Variants in STON2 observed in about 807,000 individuals in gnomAD.
STON2 encodes the protein stonin 2, also known as stonin-2.
Under a neutral mutation model 65.7 loss-of-function variants are expected in STON2, and 29 were observed. The ratio of observed to expected loss-of-function variants is 0.44; its 90% CI spans 0.33 to 0.60. The LOEUF is 0.60. Ranked by LOEUF, STON2 falls within the 20% of genes least tolerant of loss-of-function variation. The pLI, the probability that STON2 is intolerant of heterozygous loss-of-function variation, is 0.03. For synonymous variants in STON2, 404 were observed against 414.2 expected (o/e 0.98, Z 0.30); for missense variants, 1,054 against 1,118.1 (o/e 0.94, Z 0.82).
At chr14:81,345,479 C>A (rs993392963) in intron 4 of STON2, among the ~76,000 whole-genome samples, 29 of 152,270 alleles carry the variant, frequency 1.9e-4, no homozygotes, top group African/African-American at 6.3e-4. Flanking sequence ...CTTCCGGACA[C>A]AGAATTGTGA....
In STON2 at chr14:81,270,356, A is replaced by G. The variant is rs1894523605; in HGVS notation, c.2784+314T>C. ...CACCTCCACCTCCCAAAGTGCTGGG[A>G]TTACAGGTGTGAGCCACTGTGCCTG... On this transcript the variant is annotated intron_variant, in intron 7 of 7. Coordinates refer to ENST00000614646, the MANE Select transcript of STON2 (RefSeq NM_001394390.1). 9.2e-6 allele frequency: 12 copies of G among 1,311,378 alleles called. No homozygotes were observed. The South Asian group carries it at 2.6e-4, about 28-fold the overall frequency. 81.2% of individuals were successfully genotyped at this position (1,311,378 alleles called of 1,614,324 possible). A position where few individuals can be genotyped will look rare whatever the true frequency, so the allele number is the denominator to read the frequency against.
Position 81,261,663 on chromosome 14 carries a change from T to C in STON2, c.*6751A>G. 1.1e-6 allele frequency: 1 copy of C among 951,524 alleles called. No homozygotes were observed. 58.9% of individuals were successfully genotyped at this position (951,524 alleles called of 1,614,324 possible). On this transcript the variant is annotated 3_prime_UTR_variant, in exon 8 of 8. Coordinates refer to ENST00000614646, the MANE Select transcript of STON2 (RefSeq NM_001394390.1). Reference sequence around the variant, plus strand: ...TATTTTATACAAAATGACAAATATATATATACCTCATTGATTATCCTATCA... The same window carrying C: ...TATTTTATACAAAATGACAAATATACATATACCTCATTGATTATCCTATCA...
chr14:81,281,756 C>T (rs980839501), intron 5 of STON2, among the ~76,000 whole-genome samples: 1 of 152,152 alleles, frequency 6.6e-6, no homozygotes. Context: ...GTTTAAATCA[C>T]GCCAAGTCCT....
intron 3 of STON2, among the ~76,000 whole-genome samples, chr14:81,378,152 A>AT (rs1566934583): frequency 6.7e-6 from 1 of 149,068 alleles, no homozygotes; most frequent in Admixed American, 6.7e-5. Flanking sequence ...AGCCTAGCCC[A>AT]TTTTTTTAAT....
At chr14:81,372,684 C>CCAT (rs1899061333) in intron 3 of STON2, among the ~76,000 whole-genome samples, 1 of 151,966 alleles carries the variant, frequency 6.6e-6, no homozygotes, top group African/African-American at 2.4e-5. Flanking sequence ...TATTGAGTAC[C>CCAT]CATCAAATGT....
chr14:81,432,769 C>G (rs971672879), intron 1 of STON2, among the ~76,000 whole-genome samples: 1 of 152,224 alleles, frequency 6.6e-6, no homozygotes, highest in African/African-American at 2.4e-5. Flanking sequence ...ATTTAATATA[C>G]ACCTAGAGAC....
At chr14:81,284,363 T>A (rs1242798442) in intron 5 of STON2, among the ~76,000 whole-genome samples, 1 of 152,094 alleles carries the variant, frequency 6.6e-6, no homozygotes, top group Non-Finnish European at 1.5e-5. Flanking sequence ...TCAAAGGAAA[T>A]TAAAAGTGCC....
chr14:81,384,796 A>C (rs1416044281), intron 3 of STON2, among the ~76,000 whole-genome samples: 4 of 152,174 alleles, frequency 2.6e-5, no homozygotes, highest in African/African-American at 9.7e-5. Flanking sequence ...TTTTAAATAC[A>C]TATATTTTGA....
intron 5 of STON2, among the ~76,000 whole-genome samples, chr14:81,295,793 G>T (rs1895739898): frequency 6.6e-6 from 1 of 152,160 alleles, no homozygotes; most frequent in Non-Finnish European, 1.5e-5. Context: ...AAATAAGTTT[G>T]TTTCTATAAA....
intron 4 of STON2, among the ~76,000 whole-genome samples, chr14:81,339,122 A>G (rs1416884939): frequency 6.6e-6 from 1 of 152,204 alleles, no homozygotes; most frequent in African/African-American, 2.4e-5. Context: ...AAGAAAGGGC[A>G]GGAGAAAAGA....
At chr14:81,308,530 A>C (rs1289986152) in intron 5 of STON2, among the ~76,000 whole-genome samples, 1 of 151,942 alleles carries the variant, frequency 6.6e-6, no homozygotes, top group African/African-American at 2.4e-5. Context: ...AAGAACACTG[A>C]GCAGACAAAA....
At chr14:81,363,043 G>C (rs576199661) in intron 4 of STON2, among the ~76,000 whole-genome samples, 1 of 152,150 alleles carries the variant, frequency 6.6e-6, no homozygotes, top group Admixed American at 6.6e-5. Flanking sequence ...TCCAGCAAGC[G>C]ACTGTGTTCA....
chr14:81,261,988 T>C lies in STON2; in HGVS notation c.*6426A>G, dbSNP rs963906879. On this transcript the variant is annotated 3_prime_UTR_variant, in exon 8 of 8. Coordinates refer to ENST00000614646, the MANE Select transcript of STON2 (RefSeq NM_001394390.1). ...GAGAGAGATGTGAAAAGGAAAAAGA[T>C]GGACCAGGTGATTTTTCCAATCTTC... 8 of 1,388,890 alleles carry C rather than the reference T, an allele frequency of 5.8e-6. No individual in the cohort carries two copies. In the East Asian group the frequency reaches 1.8e-4, roughly 32 times the overall value. The allele number at this position is 1,388,890 out of a possible 1,614,324, so 86.0% of individuals were successfully genotyped here. A position where few individuals can be genotyped will look rare whatever the true frequency, so the allele number is the denominator to read the frequency against.
intron 4 of STON2, among the ~76,000 whole-genome samples, chr14:81,353,972 G>A (rs1375075067): frequency 3.9e-5 from 6 of 152,326 alleles, no homozygotes; most frequent in South Asian, 4.1e-4. Context: ...ACCCCAAGGC[G>A]CCACATGGTA....
chr14:81,381,649 C>T (rs2140396398), intron 3 of STON2, among the ~76,000 whole-genome samples: 1 of 152,206 alleles, frequency 6.6e-6, no homozygotes, highest in South Asian at 2.1e-4. Flanking sequence ...TCCCTGATCA[C>T]AAAAATAGAA....
In STON2 at chr14:81,268,170, A is replaced by C; in HGVS notation, c.*244T>G. ...AATTATACAGTAAGCTCCAACAGTC[A>C]GGTGAACCTCGTGCTTTAGGCATGA... On this transcript the variant is annotated 3_prime_UTR_variant, in exon 8 of 8. Coordinates refer to ENST00000614646, the MANE Select transcript of STON2 (RefSeq NM_001394390.1). 2 of 1,115,452 alleles carry C rather than the reference A, an allele frequency of 1.8e-6. No individual in the cohort carries two copies. The highest frequency in any genetic ancestry group is 4.4e-5 in the South Asian group (2 of 45,024). The allele number at this position is 1,115,452 out of a possible 1,614,324, so 69.1% of individuals were successfully genotyped here. A position where few individuals can be genotyped will look rare whatever the true frequency, so the allele number is the denominator to read the frequency against.
intron 4 of STON2, among the ~76,000 whole-genome samples, chr14:81,349,892 A>G (rs1595381432): frequency 6.6e-6 from 1 of 152,294 alleles, no homozygotes; most frequent in Middle Eastern, 3.4e-3. Context: ...AATATTATTC[A>G]GCCAAAAAAA....
chr14:81,340,745 G>A (rs543775635), intron 4 of STON2, among the ~76,000 whole-genome samples: 7 of 152,146 alleles, frequency 4.6e-5, no homozygotes, highest in South Asian at 2.1e-4. Flanking sequence ...TCGCACTAAC[G>A]GTGGCTTGAA....
intron 5 of STON2, among the ~76,000 whole-genome samples, chr14:81,285,633 ATAAAG>A (rs986404509): frequency 6.6e-6 from 1 of 152,218 alleles, no homozygotes; most frequent in African/African-American, 2.4e-5. Context: ...GGATGAGAAA[ATAAAG>A]TATTTTCTTG....
Sources: allele counts gnomAD v4.1 joint callset (sites outside exome capture counted in the v4.1 genomes callset), GRCh38; gene constraint gnomAD v4.1.1; transcripts MANE v1.5; gene names NCBI Gene and HGNC (gene_info 2026-07-23, HGNC 2026-07-21).